The following CADM2 variants were observed in gnomAD, a reference collection of about 807,000 sequenced individuals.
CADM2 encodes the protein immunoglobulin superfamily member 4D.
Under a neutral mutation model 49.8 loss-of-function variants are expected in CADM2, and 12 were observed. That is an observed-to-expected ratio of 0.24 (90% CI 0.15 to 0.39). CADM2 has a LOEUF of 0.39. Among genes scored for constraint, CADM2 ranks in the 10% least tolerant of loss-of-function variants. The probability of loss-of-function intolerance (pLI) is 1.00; values close to 1 mark genes in which losing one functional copy is unlikely to be tolerated. For missense variants in CADM2, 378 were observed against 492.3 expected, an observed-to-expected ratio of 0.77 and a Z score of 2.20; for synonymous variants, 214 against 175.4, an observed-to-expected ratio of 1.22 and a Z score of -1.74.
intron 1 of CADM2, among the ~76,000 whole-genome samples, chr3:85,475,660 TATAA>T (rs1418383599): frequency 2.0e-5 from 3 of 151,948 alleles, no homozygotes; most frequent in Non-Finnish European, 4.4e-5. Flanking sequence ...TAAATTAATC[TATAA>T]ATAGTCTCAC....
chr3:85,184,056 G>T (rs1211314008), intron 1 of CADM2, among the ~76,000 whole-genome samples: 1 of 152,128 alleles, frequency 6.6e-6, no homozygotes, highest in African/African-American at 2.4e-5. Context: ...GTAAGCAGGT[G>T]ATCAAGGAGT....
chr3:85,744,759 C>A (rs963030138), intron 2 of CADM2, among the ~76,000 whole-genome samples: 8 of 151,872 alleles, frequency 5.3e-5, no homozygotes, highest in African/African-American at 1.9e-4. Context: ...AGGCCAGGAT[C>A]AAAAGGAAGT....
chr3:85,323,398 G>C (rs1045648512), intron 1 of CADM2, among the ~76,000 whole-genome samples: 1 of 152,052 alleles, frequency 6.6e-6, no homozygotes, highest in Non-Finnish European at 1.5e-5. Flanking sequence ...CCTGCAACCT[G>C]TCTGAACACT....
intron 1 of CADM2, among the ~76,000 whole-genome samples, chr3:85,160,618 ATTTTC>A (rs930047335): frequency 6.6e-6 from 1 of 152,062 alleles, no homozygotes; most frequent in African/African-American, 2.4e-5. Flanking sequence ...TAATTAGGCT[ATTTTC>A]TTCTGTTTAT....
chr3:85,882,124 G>A (rs1049037503), intron 3 of CADM2, among the ~76,000 whole-genome samples: 1 of 151,932 alleles, frequency 6.6e-6, no homozygotes, highest in Non-Finnish European at 1.5e-5. Flanking sequence ...TACTTCCAGG[G>A]CTCTGTACTT....
chr3:85,376,999 C>A (rs969333816), intron 1 of CADM2, among the ~76,000 whole-genome samples: 1 of 151,988 alleles, frequency 6.6e-6, no homozygotes, highest in Admixed American at 6.6e-5. Context: ...TTCATCAGAT[C>A]TTTACATGGA....
intron 2 of CADM2, among the ~76,000 whole-genome samples, chr3:85,727,846 T>C (rs1052742608): frequency 2.0e-5 from 3 of 151,934 alleles, no homozygotes; most frequent in African/African-American, 7.3e-5. Context: ...AGAAAACAAG[T>C]AGTGTATTTA....
intron 8 of CADM2, among the ~76,000 whole-genome samples, chr3:85,965,605 A>G (rs1725378646): frequency 6.6e-6 from 1 of 151,660 alleles, no homozygotes; most frequent in African/African-American, 2.4e-5. Flanking sequence ...TATGAGATAG[A>G]AAATGTCTTA....
chr3:85,107,629 CTT>C (rs368823745), intron 1 of CADM2, among the ~76,000 whole-genome samples: 2 of 91,582 alleles, frequency 2.2e-5, no homozygotes, highest in Non-Finnish European at 5.9e-5. Context: ...TTCTTTCTTT[CTT>C]TTTCTTTCTT....
chr3:85,458,718 T>A (rs1313208064), intron 1 of CADM2, among the ~76,000 whole-genome samples: 2 of 152,196 alleles, frequency 1.3e-5, no homozygotes, highest in African/African-American at 4.8e-5. Flanking sequence ...TCTGAGATTC[T>A]ACACTCTTCC....
intron 1 of CADM2, among the ~76,000 whole-genome samples, chr3:85,677,705 G>C (rs1006843346): frequency 1.3e-5 from 2 of 152,164 alleles, no homozygotes; most frequent in Non-Finnish European, 2.9e-5. Flanking sequence ...TGAACTCTAA[G>C]TAGTCTCACA....
intron 1 of CADM2, among the ~76,000 whole-genome samples, chr3:85,141,917 G>C (rs980118844): frequency 2.0e-5 from 3 of 152,196 alleles, no homozygotes; most frequent in Non-Finnish European, 4.4e-5. Flanking sequence ...GCTCAAGCTA[G>C]ATTGTCTAAT....
intron 1 of CADM2, among the ~76,000 whole-genome samples, chr3:85,474,344 G>A (rs2038892763): frequency 6.6e-6 from 1 of 152,008 alleles, no homozygotes; most frequent in East Asian, 1.9e-4. Context: ...ACTGACAGGA[G>A]GCCAGTCTTT....
intron 1 of CADM2, among the ~76,000 whole-genome samples, chr3:85,528,173 C>A (rs1166978125): frequency 6.6e-6 from 1 of 152,132 alleles, no homozygotes; most frequent in African/African-American, 2.4e-5. Context: ...TCCTCAGGAA[C>A]CTCTTCTGTC....
Position 85,116,924 on chromosome 3 carries a change from G to A in CADM2, c.61+157256G>A, listed in dbSNP as rs115617384. On this transcript the variant is annotated intron_variant, in intron 1 of 9. Coordinates refer to ENST00000383699, the MANE Select transcript of CADM2 (RefSeq NM_001167675.2). ...GATAAGATAATTTTAGGACACGGGC[G>A]GTGACTCACCCATGTAATCCCAGGA... 2.0e-3 allele frequency among the ~76,000 whole-genome samples: 305 copies of A among 152,186 alleles called. 2 individuals are homozygous for A. The highest frequency in any genetic ancestry group is 6.8e-3 in the African/African-American group (283 of 41,510).
At chr3:86,046,847 G>T (rs1736747276) in intron 8 of CADM2, among the ~76,000 whole-genome samples, 1 of 131,252 alleles carries the variant, frequency 7.6e-6, no homozygotes, top group Admixed American at 9.2e-5. Flanking sequence ...TTTCAAAACA[G>T]AAATATCTTG....
chr3:86,005,785 TG>T (rs1730714842), intron 8 of CADM2, among the ~76,000 whole-genome samples: 1 of 152,174 alleles, frequency 6.6e-6, no homozygotes. Context: ...AGTAGGTCTT[TG>T]TGCTGTCAAA....
intron 1 of CADM2, among the ~76,000 whole-genome samples, chr3:84,962,226 C>T (rs192041232): frequency 6.7e-6 from 1 of 149,964 alleles, no homozygotes; most frequent in East Asian, 2.0e-4. Context: ...GACTTAGGAG[C>T]ATCTTAGATC....
chr3:85,009,326 A>T (rs1256452808), intron 1 of CADM2, among the ~76,000 whole-genome samples: 1 of 152,224 alleles, frequency 6.6e-6, no homozygotes, highest in Non-Finnish European at 1.5e-5. Context: ...GATAGAAATT[A>T]AAATATACAG....
Sources: gnomAD v4.1 joint callset for allele counts (sites outside exome capture counted in the v4.1 genomes callset) on GRCh38, gnomAD v4.1.1 for gene constraint, MANE v1.5 for transcripts, NCBI Gene and HGNC (gene_info 2026-07-23, HGNC 2026-07-21) for gene names.